LARGE1: variants seen among roughly 807,000 people sequenced by gnomAD.
LARGE1 encodes the protein xylosyl- and glucuronyltransferase LARGE1.
LARGE1 carries 43 observed loss-of-function variants against 87.6 expected under a neutral mutation model. That is an observed-to-expected ratio of 0.49 (90% confidence interval 0.38 to 0.63). The LOEUF is 0.63. LARGE1 is among the 30% of genes least tolerant of loss of function. The pLI is 0.00. For missense variants in LARGE1, 802 were observed against 1,000.2 expected, an observed-to-expected ratio of 0.80 and a Z score of 2.67; for synonymous variants, 434 against 394.6, an observed-to-expected ratio of 1.10 and a Z score of -1.18.
At chr22:33,826,073 T>G (rs1219603306) in intron 1 of LARGE1, among the ~76,000 whole-genome samples, 1 of 152,134 alleles carries the variant, frequency 6.6e-6, no homozygotes. Context: ...TTTTTTAATA[T>G]AGTGGTAAAA....
chr22:33,381,317 A>G (rs2065148194), intron 9 of LARGE1, among the ~76,000 whole-genome samples: 1 of 152,136 alleles, frequency 6.6e-6, no homozygotes, highest in Non-Finnish European at 1.5e-5. Context: ...TGACTAATAT[A>G]CCCTGTCTTC....
intron 1 of LARGE1, among the ~76,000 whole-genome samples, chr22:33,776,421 CA>C (rs2085239488): frequency 1.3e-5 from 2 of 152,134 alleles, no homozygotes; most frequent in South Asian, 4.1e-4. Flanking sequence ...AATGCATTGC[CA>C]AAGAGGTCTT....
chr22:33,498,500 G>A (rs1202472889), intron 6 of LARGE1, among the ~76,000 whole-genome samples: 1 of 152,106 alleles, frequency 6.6e-6, no homozygotes, highest in East Asian at 1.9e-4. Context: ...TGCGGCAGCC[G>A]AATGTCTTGG....
At chr22:33,475,878 T>C (rs536268627) in intron 6 of LARGE1, among the ~76,000 whole-genome samples, 4 of 152,314 alleles carry the variant, frequency 2.6e-5, no homozygotes, top group Non-Finnish European at 5.9e-5. Context: ...CTAATTTGGA[T>C]AGGTGTTATT....
intron 7 of LARGE1, among the ~76,000 whole-genome samples, chr22:33,422,293 C>T (rs1456348250): frequency 6.6e-6 from 1 of 152,154 alleles, no homozygotes; most frequent in South Asian, 2.1e-4. Context: ...CGTGTTGCTA[C>T]AGGGAAATAC....
chr22:33,138,436 AC>A, the LARGE1 span, among the ~76,000 whole-genome samples: 5 of 142,828 alleles, frequency 3.5e-5, no homozygotes, highest in African/African-American at 1.3e-4. Flanking sequence ...TGGACTGAGG[AC>A]TTTTATTTTT....
At chr22:33,407,157 T>G (rs775828499) in intron 7 of LARGE1, among the ~76,000 whole-genome samples, 2 of 152,244 alleles carry the variant, frequency 1.3e-5, no homozygotes, top group South Asian at 4.1e-4. Flanking sequence ...ACTCTATTAT[T>G]ACTTTTTTAG....
At chr22:33,251,726 T>A (rs1927015926) in intron 11 of LARGE1, among the ~76,000 whole-genome samples, 1 of 152,202 alleles carries the variant, frequency 6.6e-6, no homozygotes, top group African/African-American at 2.4e-5. Flanking sequence ...GCCATATCAG[T>A]TTCTGCCACA....
At chr22:33,842,978 C>A (rs2077673829) in intron 1 of LARGE1, among the ~76,000 whole-genome samples, 1 of 151,802 alleles carries the variant, frequency 6.6e-6, no homozygotes, top group Admixed American at 6.6e-5. Flanking sequence ...ACCTACAGTT[C>A]TCCAAACAGG....
At chr22:33,845,551 A>G (rs922406945) in intron 1 of LARGE1, among the ~76,000 whole-genome samples, 1 of 151,700 alleles carries the variant, frequency 6.6e-6, no homozygotes. Context: ...CAGATCATCT[A>G]CCCGCCTCAG....
chr22:33,591,917 T>C (rs1179621982), intron 5 of LARGE1, among the ~76,000 whole-genome samples: 1 of 150,146 alleles, frequency 6.7e-6, no homozygotes, highest in Non-Finnish European at 1.5e-5. Flanking sequence ...TCCCAGCTAC[T>C]CTAGAGGATG....
At chr22:33,373,781 T>G (rs535329267) in intron 9 of LARGE1, among the ~76,000 whole-genome samples, 2 of 152,178 alleles carry the variant, frequency 1.3e-5, no homozygotes, top group Middle Eastern at 6.8e-3. Flanking sequence ...GAGACCATCC[T>G]GGATAACATG....
intron 6 of LARGE1, among the ~76,000 whole-genome samples, chr22:33,556,688 T>C (rs1394995584): frequency 6.7e-6 from 1 of 149,876 alleles, no homozygotes; most frequent in Non-Finnish European, 1.5e-5. Context: ...GTGAACTCTC[T>C]GAAATTTCAG....
downstream of LARGE1, among the ~76,000 whole-genome samples, chr22:33,160,146 G>A (rs1276500761): frequency 6.6e-6 from 1 of 152,182 alleles, no homozygotes. Flanking sequence ...TTACATTACA[G>A]TTGTAGTGTC....
chr22:33,153,721 C>G, the LARGE1 span, among the ~76,000 whole-genome samples: 2 of 152,196 alleles, frequency 1.3e-5, no homozygotes, highest in Non-Finnish European at 2.9e-5. Flanking sequence ...ATCTTACCAA[C>G]AATTCTCTGT....
chr22:33,770,902 C>T (rs961291023), intron 1 of LARGE1, among the ~76,000 whole-genome samples: 1 of 152,106 alleles, frequency 6.6e-6, no homozygotes, highest in Admixed American at 6.6e-5. Flanking sequence ...CACATTCTTC[C>T]TCCTCTCCAC....
chr22:33,341,274 A>G (rs536286384), intron 9 of LARGE1, among the ~76,000 whole-genome samples: 4 of 152,168 alleles, frequency 2.6e-5, no homozygotes, highest in African/African-American at 9.6e-5. Flanking sequence ...TGCCCTCACC[A>G]GACACCAAAT....
chr22:33,641,163 G>A lies in LARGE1; in HGVS notation c.408+9204C>T, dbSNP rs190490192. On this transcript the variant is annotated intron_variant, in intron 3 of 14. Transcript: ENST00000397394. ...AGGAGAGCTCCGGCTGGCAACGGGC[G>A]GGTGCCCCTCTGGGACAAAGCTTCC... Among the ~76,000 whole-genome samples the A allele has an allele frequency of 6.4e-4, 97 of 152,276 alleles. No individual in the cohort carries two copies. The East Asian group carries it at 0.018, about 29-fold the overall frequency.
At chr22:33,123,359 CA>C in the LARGE1 span, among the ~76,000 whole-genome samples, 2 of 129,758 alleles carry the variant, frequency 1.5e-5, no homozygotes, top group African/African-American at 5.6e-5. Context: ...TCAGTGTTGC[CA>C]TGGAAAATGA....
Sources: allele counts gnomAD v4.1 joint callset (sites outside exome capture counted in the v4.1 genomes callset), GRCh38; gene constraint gnomAD v4.1.1; transcripts MANE v1.5; gene names NCBI Gene and HGNC (gene_info 2026-07-23, HGNC 2026-07-21).